Variants in CCT6B observed in about 807,000 individuals in gnomAD.
CCT6B encodes the protein chaperonin containing TCP1 subunit 6B, also known as probable T-complex protein 1 subunit zeta-2.
CCT6B carries 49 observed loss-of-function variants against 61.5 expected under a neutral mutation model. The observed-to-expected ratio is 0.80, with a 90% CI of 0.63 to 1.01. The LOEUF is 1.01. Ranked by LOEUF, CCT6B falls within the 50% of genes least tolerant of loss-of-function variation. The probability of loss-of-function intolerance (pLI) is 0.00; values close to 1 mark genes in which losing one functional copy is unlikely to be tolerated. For missense variants in CCT6B, 666 were observed against 634.7 expected (o/e 1.05, Z -0.53); for synonymous variants, 228 against 214.5 (o/e 1.06, Z -0.55).
At chr17:34,936,923 C>T (rs948079675) in intron 10 of CCT6B, among the ~76,000 whole-genome samples, 3 of 151,922 alleles carry the variant, frequency 2.0e-5, no homozygotes, top group Admixed American at 6.6e-5. Flanking sequence ...GAGGCCAAGG[C>T]GGGAGGATCG....
rs116562403 is a variant in CCT6B, at chr17:34,954,578, C to A, written c.358G>T (p.Ala120Ser). 2 of 1,613,404 alleles carry A rather than the reference C, an allele frequency of 1.2e-6. No homozygotes were observed. Among genetic ancestry groups the A allele is most frequent in the African/African-American group, 2.7e-5 (2 of 74,976 alleles). Residue 120 changes from alanine to serine, a missense_variant, in exon 4 of 14, where the codon GCT (alanine) becomes TCT (serine). Ala to Ser is a moderately conservative substitution (Grantham distance 99). Coordinates refer to ENST00000314144, the MANE Select transcript of CCT6B (RefSeq NM_006584.4). ...ISEGLHPRII[A>S]EGFEAAKIKA... ...ATCTTTGCAGCTTCAAATCCTTCAG[C>A]TATTATTCTAGGGTGCAGGCCCTGT...
chr17:34,930,466 A>C (rs947878685), intron 12 of CCT6B, among the ~76,000 whole-genome samples: 2 of 151,990 alleles, frequency 1.3e-5, no homozygotes, highest in East Asian at 1.9e-4. Flanking sequence ...TAGAACACTT[A>C]ACCCCAGTTG....
chr17:34,932,984 G>A (rs1055646713), intron 10 of CCT6B, among the ~76,000 whole-genome samples: 1 of 152,072 alleles, frequency 6.6e-6, no homozygotes, highest in Non-Finnish European at 1.5e-5. Context: ...GTTTCACCAC[G>A]TTGGCCAGGC....
rs746072264 is a variant in CCT6B, at chr17:34,939,573, G to A, written c.1065+44C>T. Reference sequence around the variant, plus strand: ...AGTAGTATTTTTCTTTAAAAAAGGGGGCTTAGTATTCACTTTATAACCACT... The same window carrying A: ...AGTAGTATTTTTCTTTAAAAAAGGGAGCTTAGTATTCACTTTATAACCACT... On this transcript the variant is annotated intron_variant, in intron 9 of 13. Transcript: ENST00000314144. 4.2e-6 allele frequency: 5 copies of A among 1,200,110 alleles called. No individual in the cohort carries two copies. The South Asian group carries it at 5.2e-5, about 12-fold the overall frequency. The allele number at this position is 1,200,110 out of a possible 1,614,324, so 74.3% of individuals were successfully genotyped here.
intron 12 of CCT6B, 33 bp from the exon 13 acceptor site, chr17:34,929,067 CT>C: frequency 7.6e-7 from 1 of 1,324,052 alleles, no homozygotes; most frequent in Non-Finnish European, 1.1e-6. Flanking sequence ...ATACCAAAAT[CT>C]TAGTATTTGC....
chr17:34,958,150 A>G (rs994679323), intron 3 of CCT6B, among the ~76,000 whole-genome samples: 3 of 152,164 alleles, frequency 2.0e-5, no homozygotes, highest in Non-Finnish European at 4.4e-5. Flanking sequence ...CTTAATTAAA[A>G]TTAACTGTCT....
rs1429818559 is a variant in CCT6B, at chr17:34,928,849, T to C, written c.1523+113A>G. The C allele has an allele frequency of 4.9e-5, 29 of 593,098 alleles. No individual in the cohort carries two copies. In the East Asian group the frequency reaches 8.2e-4, roughly 17 times the overall value. The allele number at this position is 593,098 out of a possible 1,614,324, so 36.7% of individuals were successfully genotyped here. On this transcript the variant is annotated intron_variant, in intron 13 of 13. Coordinates refer to ENST00000314144, the MANE Select transcript of CCT6B (RefSeq NM_006584.4). ...TAATAACTGAATACCACACCTTTCATACACTTGACAATTTTTCCACTGTAC... is the reference window on the plus strand; with the variant it reads ...TAATAACTGAATACCACACCTTTCACACACTTGACAATTTTTCCACTGTAC...
At chr17:34,944,761 C>T (rs2090204866) in intron 5 of CCT6B, among the ~76,000 whole-genome samples, 1 of 152,254 alleles carries the variant, frequency 6.6e-6, no homozygotes, top group East Asian at 1.9e-4. Context: ...CCCATCTCTA[C>T]TAAAAATACA....
At position 34,953,342 on chromosome 17, in the gene CCT6B, T is replaced by TATATATA. The variant is rs1491150963; in HGVS notation, c.510+1083_510+1084insTATATAT. 1.3e-3 allele frequency among the ~76,000 whole-genome samples: 159 copies of TATATATA among 125,496 alleles called. 1 individual carries two copies. Among genetic ancestry groups the TATATATA allele is most frequent in the Admixed American group, 3.6e-3 (45 of 12,446 alleles). The allele number at this position is 125,496 out of a possible 152,430, so 82.3% of individuals were successfully genotyped here. On this transcript the variant is annotated intron_variant, in intron 4 of 13. Coordinates refer to ENST00000314144, the MANE Select transcript of CCT6B (RefSeq NM_006584.4). Reference sequence around the variant, plus strand: ...AAATATATATATATATATATATATATTTTTTTGAGACAAAGTTTCACTCTG... The same window carrying TATATATA: ...AAATATATATATATATATATATATATATATATATTTTTTGAGACAAAGTTTCACTCTG...
At chr17:34,960,523 CATAATT>C (rs2090400445) in intron 1 of CCT6B, among the ~76,000 whole-genome samples, 1 of 152,200 alleles carries the variant, frequency 6.6e-6, no homozygotes, top group Non-Finnish European at 1.5e-5. Context: ...CTTTCTTCAG[CATAATT>C]ATATGCATCT....
chr17:34,936,792 T>C (rs975099503), intron 10 of CCT6B, among the ~76,000 whole-genome samples: 1 of 152,124 alleles, frequency 6.6e-6, no homozygotes, highest in Non-Finnish European at 1.5e-5. Context: ...GATAAGATGA[T>C]ATTCATGAGT....
At chr17:34,939,574 GC>G (rs774139572) in intron 9 of CCT6B, 42 bp downstream of exon 9, 2 of 1,213,458 alleles carry the variant, frequency 1.6e-6, no homozygotes, top group Non-Finnish European at 2.4e-6. Context: ...AAAAAAGGGG[GC>G]TTAGTATTCA....
chr17:34,932,323 T>C, intron 11 of CCT6B, 44 bp downstream of exon 11: 1 of 1,558,188 alleles, frequency 6.4e-7, no homozygotes, highest in Admixed American at 2.0e-5. Flanking sequence ...ATTAAACACC[T>C]TTATGTCTAA....
chr17:34,951,326 T>C (rs773760366), intron 5 of CCT6B, among the ~76,000 whole-genome samples: 1 of 152,206 alleles, frequency 6.6e-6, no homozygotes, highest in Non-Finnish European at 1.5e-5. Context: ...GTATATGATG[T>C]CTGGATTTGC....
chr17:34,959,688 G>A, intron 1 of CCT6B, 38 bp from the exon 2 acceptor site: 1 of 1,450,286 alleles, frequency 6.9e-7, no homozygotes, highest in Non-Finnish European at 9.7e-7. Context: ...CATGTGGTAG[G>A]AAGACATTCC....
At chr17:34,945,705 T>C (rs1422032239) in intron 5 of CCT6B, among the ~76,000 whole-genome samples, 1 of 152,170 alleles carries the variant, frequency 6.6e-6, no homozygotes, top group African/African-American at 2.4e-5. Context: ...TTCTGAAGTA[T>C]AAATCAAGAA....
intron 5 of CCT6B, 134 bp downstream of exon 5, chr17:34,951,816 A>C: frequency 2.2e-6 from 1 of 462,276 alleles, no homozygotes; most frequent in Non-Finnish European, 3.8e-6. Flanking sequence ...TCTCATTCCC[A>C]TTACCTAGAG....
intron 5 of CCT6B, among the ~76,000 whole-genome samples, chr17:34,947,538 C>T (rs915833297): frequency 2.0e-5 from 3 of 152,090 alleles, no homozygotes; most frequent in Admixed American, 6.5e-5. Context: ...AGTAAACACA[C>T]AATGAAAGTA....
In CCT6B at chr17:34,948,726, A is replaced by C. The variant is rs8079745; in HGVS notation, c.614+3224T>G. ...TGAAACTCCATCTAAAAAAAAAAAA[A>C]AAAACAAAACAAAACTGGATGGACC... is the stretch of plus-strand genomic sequence containing the variant. On this transcript the variant is annotated intron_variant, in intron 5 of 13. Transcript: ENST00000314144. Among the ~76,000 whole-genome samples the C allele has an allele frequency of 1.5e-3, 234 of 151,198 alleles. 1 individual carries two copies. Among genetic ancestry groups the C allele is most frequent in the African/African-American group, 3.7e-3 (153 of 41,180 alleles).
Sources: gnomAD v4.1 joint callset for allele counts (sites outside exome capture counted in the v4.1 genomes callset) on GRCh38, gnomAD v4.1.1 for gene constraint, MANE v1.5 for transcripts, NCBI Gene and HGNC (gene_info 2026-07-23, HGNC 2026-07-21) for gene names.